The following DNAH9 variants were observed in gnomAD, a reference collection of about 807,000 sequenced individuals.
The protein encoded by DNAH9 is DNAH9 variant protein.
A neutral mutation model predicts 471.6 loss-of-function variants in DNAH9; 345 were observed. That is an observed-to-expected ratio of 0.73 (90% CI 0.67 to 0.80). The LOEUF is 0.80. Ranked by LOEUF, DNAH9 falls within the 30% of genes least tolerant of loss-of-function variation. DNAH9 has a pLI of 0.00. For synonymous variants in DNAH9, 2,093 were observed against 2,123.6 expected, an observed-to-expected ratio of 0.99 and a Z score of 0.40; for missense variants, 5,407 against 5,609.2, an observed-to-expected ratio of 0.96 and a Z score of 1.15.
chr17:11,908,669 G>C (rs543452317), intron 61 of DNAH9, among the ~76,000 whole-genome samples: 1 of 152,174 alleles, frequency 6.6e-6, no homozygotes, highest in Non-Finnish European at 1.5e-5. Context: ...CACATCAAAC[G>C]AAGTAACATC....
chr17:11,661,449 T>C (rs1285153781), intron 14 of DNAH9, among the ~76,000 whole-genome samples: 1 of 152,184 alleles, frequency 6.6e-6, no homozygotes, highest in Non-Finnish European at 1.5e-5. Flanking sequence ...TGAATTTAGC[T>C]CTACTAAATT....
At position 11,690,222 on chromosome 17, in the gene DNAH9, A is replaced by T; in HGVS notation, c.4400A>T (p.Asp1467Val). The T allele has an allele frequency of 6.2e-7, 1 of 1,614,142 alleles. No individual in the cohort carries two copies. The highest frequency in any genetic ancestry group is 8.5e-7 in the Non-Finnish European group (1 of 1,179,998). The change falls in exon 20 of 69, where the codon GAC (aspartate) becomes GTC (valine). Residue 1467 changes from aspartate to valine, a missense_variant. By Grantham distance (152) the Asp-to-Val change is radical. Around this residue, in one of 3 missense-constraint regions of DNAH9, gnomAD observed 4,636 missense variants for 4,900.3 expected, o/e 0.95. Coordinates refer to ENST00000262442, the MANE Select transcript of DNAH9 (RefSeq NM_001372.4). ...GTCCCCCTCCTGTGCTCTGATGAGG[A>T]CCTCATAGAGGTTCTGGAGGATAAT... ...TNVPLLCSDE[D>V]LIEVLEDNQV...
At chr17:11,696,771 T>G (rs2074484686) in intron 22 of DNAH9, among the ~76,000 whole-genome samples, 1 of 152,256 alleles carries the variant, frequency 6.6e-6, no homozygotes, top group African/African-American at 2.4e-5. Context: ...GTTGAAATAT[T>G]TATTATTAAT....
intron 66 of DNAH9, 46 bp from the exon 67 acceptor site, chr17:11,942,257 G>A (rs753277416): frequency 1.9e-6 from 3 of 1,592,100 alleles, no homozygotes; most frequent in Middle Eastern, 1.7e-4. Flanking sequence ...ATTCCTTCTG[G>A]AGAATAGAGC....
At position 11,752,906 on chromosome 17, in the gene DNAH9, C is replaced by A. The variant is rs762538570; in HGVS notation, c.6684C>A (p.Gly2228=). The A allele has an allele frequency of 1.9e-6, 3 of 1,607,362 alleles. 1 individual carries two copies. In the Admixed American group the frequency reaches 5.1e-5, roughly 27 times the overall value. ...GGCCCAAGTGGATTTTACTGGATGG[C>A]GACATAGATCCAATGTGGATTGAAT... is the stretch of plus-strand genomic sequence containing the variant. The part of the protein sequence containing the change: ...HDGPKWILLD[G]DIDPMWIESL... The change falls in exon 33 of 69, where the codon GGC becomes GGA. Residue 2228 remains glycine (G), a synonymous_variant. Transcript: ENST00000262442.
At chr17:11,845,058 G>T (rs1265030122) in intron 49 of DNAH9, among the ~76,000 whole-genome samples, 2 of 151,154 alleles carry the variant, frequency 1.3e-5, no homozygotes, top group African/African-American at 4.9e-5. Context: ...ACAATGTGCA[G>T]GTTAGTTACA....
intron 41 of DNAH9, among the ~76,000 whole-genome samples, chr17:11,785,414 T>C (rs193013298): frequency 6.6e-6 from 1 of 152,244 alleles, no homozygotes; most frequent in Non-Finnish European, 1.5e-5. Flanking sequence ...CATGTAATTG[T>C]AATTAATTTC....
intron 26 of DNAH9, among the ~76,000 whole-genome samples, chr17:11,709,415 T>G (rs1003816404): frequency 2.0e-5 from 3 of 152,196 alleles, no homozygotes; most frequent in African/African-American, 7.2e-5. Context: ...AAAATTGGCC[T>G]CAACATAGAA....
chr17:11,608,949 C>T (rs2072567674), intron 2 of DNAH9, among the ~76,000 whole-genome samples: 2 of 152,154 alleles, frequency 1.3e-5, no homozygotes. Flanking sequence ...GTTTACCATG[C>T]TGACTTTCGA....
chr17:11,686,976 C>T (rs1043918875), intron 19 of DNAH9, among the ~76,000 whole-genome samples: 6 of 152,160 alleles, frequency 3.9e-5, no homozygotes, highest in African/African-American at 9.7e-5. Context: ...CACACACCAA[C>T]GATTAGTCTT....
chr17:11,881,140 C>A, intron 54 of DNAH9, 69 bp from the exon 55 acceptor site: 1 of 1,454,410 alleles, frequency 6.9e-7, no homozygotes, highest in Non-Finnish European at 9.6e-7. Flanking sequence ...TGAAAAAAAT[C>A]TCAAATTCTG....
chr17:11,917,406 C>T (rs1025500875), intron 61 of DNAH9, among the ~76,000 whole-genome samples: 26 of 152,292 alleles, frequency 1.7e-4, no homozygotes, highest in African/African-American at 5.8e-4. Flanking sequence ...ATCCACCCGC[C>T]GCAGCCTCCC....
chr17:11,874,169 C>T (rs979165264), intron 52 of DNAH9, among the ~76,000 whole-genome samples: 4 of 143,054 alleles, frequency 2.8e-5, no homozygotes, highest in Admixed American at 7.3e-5. Context: ...CACTTGAACC[C>T]GGGAGGTGGA....
At chr17:11,709,504 A>C (rs999409742) in intron 26 of DNAH9, among the ~76,000 whole-genome samples, 1 of 152,202 alleles carries the variant, frequency 6.6e-6, no homozygotes, top group African/African-American at 2.4e-5. Flanking sequence ...CGAAGAATTA[A>C]TCAAATGGAC....
At chr17:11,830,968 C>T (rs147912818) in intron 48 of DNAH9, among the ~76,000 whole-genome samples, 40 of 152,188 alleles carry the variant, frequency 2.6e-4, no homozygotes, top group African/African-American at 8.4e-4. Flanking sequence ...ACTAAGTTAC[C>T]AGAATAAAGG....
At position 11,603,757 on chromosome 17, in the gene DNAH9, C is replaced by T. The variant is rs370372183; in HGVS notation, c.418-4372C>T. Among the ~76,000 whole-genome samples, 5 of 152,284 alleles carry T rather than the reference C, an allele frequency of 3.3e-5. No homozygotes were observed. The East Asian group carries it at 7.7e-4, about 24-fold the overall frequency. On this transcript the variant is annotated intron_variant, in intron 1 of 68. Coordinates refer to ENST00000262442, the MANE Select transcript of DNAH9 (RefSeq NM_001372.4). ...GTCTCATTATTTTCCTGTTTTATCT[C>T]ATCATCACTCATCAGGCTTTGACTT...
At chr17:11,827,763 G>A (rs186292942) in intron 48 of DNAH9, among the ~76,000 whole-genome samples, 4 of 151,118 alleles carry the variant, frequency 2.6e-5, no homozygotes, top group East Asian at 2.0e-4. Context: ...TCGGCTCACC[G>A]CAACCTCCGC....
intron 19 of DNAH9, among the ~76,000 whole-genome samples, chr17:11,687,556 C>T (rs1175887745): frequency 6.6e-6 from 1 of 152,146 alleles, no homozygotes; most frequent in African/African-American, 2.4e-5. Context: ...TGCATGTACA[C>T]ACAGAAACAC....
intron 26 of DNAH9, among the ~76,000 whole-genome samples, chr17:11,708,006 CACACACACAGAGAG>C (rs1441282912): frequency 4.5e-3 from 216 of 48,126 alleles, no homozygotes; most frequent in African/African-American, 0.011. Context: ...CACACACACA[CACACACACAGAGAG>C]AGAGAGAGAG....
Sources: gnomAD v4.1 joint callset for allele counts (sites outside exome capture counted in the v4.1 genomes callset) on GRCh38, gnomAD v4.1.1 for gene constraint, gnomAD v4.1.1 regional missense constraint, MANE v1.5 for transcripts, NCBI Gene and HGNC (gene_info 2026-07-23, HGNC 2026-07-21) for gene names.